CIT: variants seen among roughly 807,000 people sequenced by gnomAD.
CIT encodes the protein citron rho-interacting serine/threonine kinase.
A neutral mutation model predicts 272.7 loss-of-function variants in CIT; 79 were observed. The ratio of observed to expected loss-of-function variants is 0.29; its 90% CI spans 0.24 to 0.35. The LOEUF (loss-of-function observed/expected upper bound fraction) is 0.35, where lower values mean the gene tolerates loss of function less well. CIT is among the 10% of genes least tolerant of loss of function. CIT has a pLI of 1.00. For synonymous variants in CIT, 948 were observed against 995.6 expected, an observed-to-expected ratio of 0.95 and a Z score of 0.90; for missense variants, 1,909 against 2,618.3, an observed-to-expected ratio of 0.73 and a Z score of 5.91.
Position 119,784,068 on chromosome 12 carries a change from G to T in CIT, c.1402-17C>A, listed in dbSNP as rs375935685. ...CTGCTCCATCTGAAATAAACACATC[G>T]ACAGGTTAAAAAGGCCCGTGGAGGT... On this transcript the variant is annotated splice_polypyrimidine_tract_variant and intron_variant, in intron 11 of 47. Coordinates refer to ENST00000392521, the MANE Select transcript of CIT (RefSeq NM_001206999.2). This position sits in a 1 kb window ranked among gnomAD's most constrained non-coding sequence, Gnocchi z 4.7. 65 of 1,612,734 alleles carry T rather than the reference G, an allele frequency of 4.0e-5. No individual in the cohort carries two copies. Among genetic ancestry groups the T allele is most frequent in the Admixed American group, 1.2e-4 (7 of 59,914 alleles).
rs576992980 is a variant in CIT, at chr12:119,755,996, T to C, written c.2706+1375A>G. On this transcript the variant is annotated intron_variant, in intron 22 of 47. Coordinates refer to ENST00000392521, the MANE Select transcript of CIT (RefSeq NM_001206999.2). ...TCATTACATCTTGATAAAGGAGGAA[T>C]TGCTCTGCTCCCATTTGACAGATGC... 2.0e-5 allele frequency among the ~76,000 whole-genome samples: 3 copies of C among 152,288 alleles called. No homozygotes were observed. The East Asian group carries it at 5.8e-4, about 29-fold the overall frequency.
chr12:119,794,187 C>A (rs1379454155), intron 10 of CIT, among the ~76,000 whole-genome samples: 3 of 152,134 alleles, frequency 2.0e-5, no homozygotes, highest in Non-Finnish European at 4.4e-5. Flanking sequence ...TTCTCCCCAC[C>A]AAATGCTAGC....
At chr12:119,781,986 A>G (rs1298308445) in intron 13 of CIT, among the ~76,000 whole-genome samples, 1 of 152,216 alleles carries the variant, frequency 6.6e-6, no homozygotes, top group Non-Finnish European at 1.5e-5. Context: ...TGGTCTCTGT[A>G]ACAACCACTC....
At chr12:119,709,667 T>C (rs2137044214) in intron 39 of CIT, among the ~76,000 whole-genome samples, 1 of 152,204 alleles carries the variant, frequency 6.6e-6, no homozygotes, top group East Asian at 1.9e-4. Flanking sequence ...AAATAAACTG[T>C]ACCCTGGTTA....
chr12:119,772,958 T>TA, intron 16 of CIT, 48 bp from the exon 17 acceptor site: 3 of 1,549,086 alleles, frequency 1.9e-6, no homozygotes, highest in Non-Finnish European at 2.6e-6. Context: ...TTTATTCATA[T>TA]AAAAAGATGG....
intron 9 of CIT, among the ~76,000 whole-genome samples, chr12:119,808,295 T>C (rs1966724262): frequency 6.6e-6 from 1 of 152,234 alleles, no homozygotes; most frequent in Non-Finnish European, 1.5e-5. Context: ...AGCTGCCTCA[T>C]TCCCACCTTT....
At chr12:119,850,666 T>C (rs1970164627) in intron 4 of CIT, among the ~76,000 whole-genome samples, 1 of 152,240 alleles carries the variant, frequency 6.6e-6, no homozygotes, top group Non-Finnish European at 1.5e-5. Flanking sequence ...TACCTTTCTT[T>C]AAATGTAAAT....
Position 119,782,652 on chromosome 12 carries a change from A to C in CIT, c.1546-15T>G. ...CGCTTTAAGCTCTGCAGAAAGCAAA[A>C]ATTTTAATAGGGATGCCCTGTGGAT... On this transcript the variant is annotated splice_polypyrimidine_tract_variant and intron_variant, in intron 12 of 47. Coordinates refer to ENST00000392521, the MANE Select transcript of CIT (RefSeq NM_001206999.2). 1 of 1,613,542 alleles carries C rather than the reference A, an allele frequency of 6.2e-7. No homozygotes were observed. Among genetic ancestry groups the C allele is most frequent in the Non-Finnish European group, 8.5e-7 (1 of 1,179,860 alleles).
In CIT at chr12:119,734,178, G is replaced by A. The variant is rs562976687; in HGVS notation, c.3336C>T (p.Thr1112=). ...RVRELQRMLD[T]EKQSRARADQ... ...CAAAGCCCCACCTGCTCTGTTTCTCGGTGTCCAGCATTCTCTGCAGCTCTC... is the reference window on the plus strand; with the variant it reads ...CAAAGCCCCACCTGCTCTGTTTCTCAGTGTCCAGCATTCTCTGCAGCTCTC... The change falls in exon 26 of 48, where the codon ACC becomes ACT. Residue 1112 remains threonine (T), a synonymous_variant. Coordinates refer to ENST00000392521, the MANE Select transcript of CIT (RefSeq NM_001206999.2). 233 of 1,613,416 alleles carry A rather than the reference G, an allele frequency of 1.4e-4. 1 individual carries two copies. In the South Asian group the frequency reaches 2.2e-3, roughly 16 times the overall value.
intron 41 of CIT, among the ~76,000 whole-genome samples, chr12:119,702,718 GCATTC>G (rs1294306418): frequency 1.3e-5 from 2 of 151,378 alleles, no homozygotes; most frequent in East Asian, 3.9e-4. Context: ...GAAAGAAACA[GCATTC>G]CAATGAAGAG....
intron 19 of CIT, among the ~76,000 whole-genome samples, chr12:119,765,497 GTCTC>G (rs926884162): frequency 7.0e-6 from 1 of 142,818 alleles, no homozygotes; most frequent in Non-Finnish European, 1.5e-5. Context: ...TTGAGACAGG[GTCTC>G]TCTCTGTCAC....
chr12:119,702,294 A>C (rs1013620267), intron 41 of CIT, among the ~76,000 whole-genome samples: 1 of 152,098 alleles, frequency 6.6e-6, no homozygotes, highest in African/African-American at 2.4e-5. Context: ...GCCTCTCAGG[A>C]TGAACAGTGA....
chr12:119,827,349 T>C (rs1230073900), intron 7 of CIT, among the ~76,000 whole-genome samples: 3 of 152,140 alleles, frequency 2.0e-5, no homozygotes, highest in Non-Finnish European at 4.4e-5. Context: ...GCTGATTCTG[T>C]TTTTTAATAT....
At chr12:119,749,591 T>C (rs1303710382) in intron 23 of CIT, among the ~76,000 whole-genome samples, 1 of 152,176 alleles carries the variant, frequency 6.6e-6, no homozygotes, top group Non-Finnish European at 1.5e-5. Flanking sequence ...GATTTCCGTA[T>C]GATGGGTTTG....
At chr12:119,813,139 G>T (rs1209264010) in intron 9 of CIT, among the ~76,000 whole-genome samples, 1 of 152,144 alleles carries the variant, frequency 6.6e-6, no homozygotes, top group Non-Finnish European at 1.5e-5. Context: ...GAGCTTACTG[G>T]GTGCTTGCCC....
chr12:119,859,991 A>AT (rs1295700981), intron 3 of CIT, among the ~76,000 whole-genome samples: 4 of 151,886 alleles, frequency 2.6e-5, no homozygotes, highest in Non-Finnish European at 5.9e-5. Context: ...AATTTTTAAA[A>AT]TTTTTTTGTA....
rs1957215363 is a variant in CIT, at chr12:119,712,473, G to T, written c.4684+118C>A. ...ATCCCAGTTACCGCCAAGGCGGGGAGCGGAGGAAGATGGGCCTCCTTTGCA... is the reference window on the plus strand; with the variant it reads ...ATCCCAGTTACCGCCAAGGCGGGGATCGGAGGAAGATGGGCCTCCTTTGCA... On this transcript the variant is annotated intron_variant, in intron 36 of 47. Coordinates refer to ENST00000392521, the MANE Select transcript of CIT (RefSeq NM_001206999.2). The surrounding 1 kb of genome is among the most constrained non-coding windows in gnomAD (Gnocchi z 5.2). 1.4e-6 allele frequency: 2 copies of T among 1,400,912 alleles called. No homozygotes were observed. The highest frequency in any genetic ancestry group is 1.4e-5 in the African/African-American group (1 of 70,240). 86.8% of individuals were successfully genotyped at this position (1,400,912 alleles called of 1,614,324 possible). A position where few individuals can be genotyped will look rare whatever the true frequency, so the allele number is the denominator to read the frequency against.
At position 119,697,213 on chromosome 12, in the gene CIT, C is replaced by T. The variant is rs1334356691; in HGVS notation, c.5882+446G>A. On this transcript the variant is annotated intron_variant, in intron 46 of 47. Transcript: ENST00000392521. This position sits in a 1 kb window ranked among gnomAD's most constrained non-coding sequence, Gnocchi z 4.9. ...ACCTCCACGTCCAGGCTTTCAACCA[C>T]CCCACCAGGGCCTCATCCTTCCATG... is the stretch of plus-strand genomic sequence containing the variant. 6.6e-6 allele frequency among the ~76,000 whole-genome samples: 1 copy of T among 152,112 alleles called. No homozygotes were observed. Among genetic ancestry groups the T allele is most frequent in the Non-Finnish European group, 1.5e-5 (1 of 68,024 alleles).
intron 23 of CIT, among the ~76,000 whole-genome samples, chr12:119,747,928 C>A (rs950971239): frequency 2.0e-4 from 31 of 152,064 alleles, no homozygotes; most frequent in African/African-American, 7.3e-4. Context: ...CTTTGAGAGA[C>A]CAAGGCAGGC....
Sources: allele counts gnomAD v4.1 joint callset (sites outside exome capture counted in the v4.1 genomes callset), GRCh38; gene constraint gnomAD v4.1.1; non-coding constraint Gnocchi (gnomAD v3.1); transcripts MANE v1.5; gene names NCBI Gene and HGNC (gene_info 2026-07-23, HGNC 2026-07-21).